Variants in CYP3A4 observed in about 807,000 individuals in gnomAD.
CYP3A4 encodes cytochrome P450 family 3 subfamily A member 4.
In CYP3A4, 41 loss-of-function variants were observed where a neutral mutation model predicts 54.9. That is an observed-to-expected ratio of 0.75 (90% CI 0.58 to 0.97). CYP3A4 has a LOEUF of 0.97. Ranked by LOEUF, CYP3A4 falls within the 50% of genes least tolerant of loss-of-function variation. CYP3A4 has a pLI of 0.00. For missense variants in CYP3A4, 510 were observed against 597.3 expected, an observed-to-expected ratio of 0.85 and a Z score of 1.52; for synonymous variants, 179 against 205.2, an observed-to-expected ratio of 0.87 and a Z score of 1.09.
intron 3 of CYP3A4, among the ~76,000 whole-genome samples, chr7:99,774,827 G>A (rs1563044127): frequency 4.6e-5 from 7 of 152,138 alleles, no homozygotes; most frequent in Admixed American, 3.9e-4. Flanking sequence ...ACATAGTGTC[G>A]GAAGTTCTGA....
Sources: allele counts gnomAD v4.1 joint callset (sites outside exome capture counted in the v4.1 genomes callset), GRCh38; gene constraint gnomAD v4.1.1; transcripts MANE v1.5; gene names NCBI Gene and HGNC (gene_info 2026-07-23, HGNC 2026-07-21).